Variants in LEPR observed in about 807,000 individuals in gnomAD.
LEPR encodes the protein leptin receptor.
LEPR carries 56 observed loss-of-function variants against 114.7 expected under a neutral mutation model. The ratio of observed to expected loss-of-function variants is 0.49; its 90% CI spans 0.39 to 0.61. The LOEUF (loss-of-function observed/expected upper bound fraction) is 0.61. Among genes scored for constraint, LEPR ranks in the 20% least tolerant of loss-of-function variants. LEPR has a pLI of 0.00. For synonymous variants in LEPR, 443 were observed against 461.4 expected (o/e 0.96, Z 0.51); for missense variants, 1,202 against 1,352.9 (o/e 0.89, Z 1.75).
rs3790435 is a variant in LEPR, at chr1:65,420,715, T to C, written c.-122T>C. 758,956 of 1,580,160 alleles carry C rather than the reference T, an allele frequency of 0.48. 186,856 individuals are homozygous for C. The highest frequency in any genetic ancestry group is 0.86 in the East Asian group (37,094 of 43,350). The stretch of plus-strand genomic sequence containing the variant: ...AAGCCGGAAGCAGCCGCGGCCCCAG[T>C]TCGGGAGACATGGCGGGCGTTAAAG... On this transcript the variant is annotated 5_prime_UTR_variant, in exon 1 of 20. Coordinates refer to ENST00000349533, the MANE Select transcript of LEPR (RefSeq NM_002303.6).
intron 2 of LEPR, among the ~76,000 whole-genome samples, chr1:65,551,973 C>G (rs1459967043): frequency 1.3e-5 from 2 of 152,170 alleles, no homozygotes; most frequent in African/African-American, 4.8e-5. Context: ...ACCCAGTAGT[C>G]ATTCAGGAGC....
intron 2 of LEPR, among the ~76,000 whole-genome samples, chr1:65,505,092 A>C (rs1648655507): frequency 6.6e-6 from 1 of 152,100 alleles, no homozygotes; most frequent in African/African-American, 2.4e-5. Context: ...GGTACTCCTT[A>C]ATTCATACAA....
At chr1:65,431,957 A>G (rs762802635) in intron 2 of LEPR, 12 of 1,602,132 alleles carry the variant, frequency 7.5e-6, no homozygotes, top group South Asian at 1.1e-5. Context: ...ATTTCTTAGA[A>G]CTCATACTAT....
intron 2 of LEPR, chr1:65,431,951 C>T (rs374852614): frequency 2.5e-6 from 4 of 1,604,406 alleles, no homozygotes; most frequent in Non-Finnish European, 3.4e-6. Context: ...CATTGAATTT[C>T]TTAGAACTCA....
chr1:65,636,591 CT>C lies in LEPR; in HGVS notation c.3075del (p.Asn1026IlefsTer6). On this transcript the variant is annotated frameshift_variant, in exon 20 of 20. Coordinates refer to ENST00000349533, the MANE Select transcript of LEPR (RefSeq NM_002303.6). LOFTEE classifies it low-confidence loss of function (END_TRUNC). ...SKNSPLKDSF[S>X]NSSWEIEAQA... is the part of the protein sequence containing the mutation. ...AATTCTCCGTTGAAGGATTCTTTCT[CT>C]AATAGCTCATGGGAGATAGAGGCCC... is the stretch of plus-strand genomic sequence containing the variant. The C allele has an allele frequency of 6.2e-7, 1 of 1,614,116 alleles. No homozygotes were observed. Among genetic ancestry groups the C allele is most frequent in the Non-Finnish European group, 8.5e-7 (1 of 1,179,996 alleles).
intron 2 of LEPR, among the ~76,000 whole-genome samples, chr1:65,495,020 C>A (rs1648080124): frequency 6.6e-6 from 1 of 151,816 alleles, no homozygotes. Flanking sequence ...ATCAATAAGA[C>A]CTTAAAAAAA....
intron 2 of LEPR, chr1:65,434,018 T>C: frequency 2.0e-6 from 2 of 985,388 alleles, no homozygotes; most frequent in Non-Finnish European, 2.4e-6. Context: ...TTCTACTACA[T>C]TTTGCAAAAG....
intron 2 of LEPR, among the ~76,000 whole-genome samples, chr1:65,469,969 GC>G (rs1481555807): frequency 2.6e-5 from 4 of 151,618 alleles, no homozygotes; most frequent in African/African-American, 2.4e-5. Context: ...GTCAGAGTCA[GC>G]CGGGAAGCCT....
chr1:65,624,016 G>A (rs1208377705), intron 19 of LEPR, among the ~76,000 whole-genome samples: 1 of 151,846 alleles, frequency 6.6e-6, no homozygotes, highest in Non-Finnish European at 1.5e-5. Context: ...TCATTGTACT[G>A]TTTTTTTAAT....
chr1:65,427,480 G>T (rs911104132), intron 2 of LEPR, among the ~76,000 whole-genome samples: 1 of 152,140 alleles, frequency 6.6e-6, no homozygotes, highest in African/African-American at 2.4e-5. Flanking sequence ...GATTGGTTGA[G>T]CCCAGGGGTT....
intron 2 of LEPR, chr1:65,433,168 C>T: frequency 1.0e-6 from 1 of 985,406 alleles, no homozygotes; most frequent in South Asian, 4.7e-5. Context: ...TTCCCTCTGC[C>T]CCCCACCCCT....
At chr1:65,450,437 C>A (rs1302243992) in intron 2 of LEPR, among the ~76,000 whole-genome samples, 2 of 133,992 alleles carry the variant, frequency 1.5e-5, no homozygotes, top group Non-Finnish European at 3.2e-5. Context: ...TCCCACCACC[C>A]CACAACAGTC....
chr1:65,597,911 T>A (rs1445358370), intron 7 of LEPR, among the ~76,000 whole-genome samples: 2 of 142,588 alleles, frequency 1.4e-5, no homozygotes, highest in African/African-American at 5.3e-5. Context: ...TTGAGGATTT[T>A]AAATAGGAGT....
chr1:65,457,717 A>G (rs1381365882), intron 2 of LEPR, among the ~76,000 whole-genome samples: 2 of 152,090 alleles, frequency 1.3e-5, no homozygotes, highest in African/African-American at 4.8e-5. Flanking sequence ...CTTTAGCTCC[A>G]TGTGTCCACC....
intron 19 of LEPR, chr1:65,626,288 C>CA: frequency 1.5e-6 from 2 of 1,292,382 alleles, no homozygotes; most frequent in Non-Finnish European, 2.0e-6. Context: ...AATATTGCCA[C>CA]ATTTTTTCAA....
At position 65,633,781 on chromosome 1, in the gene LEPR, T is replaced by C. The variant is rs1485342473; in HGVS notation, c.2674-2410T>C. On this transcript the variant is annotated intron_variant, in intron 19 of 19. Transcript: ENST00000349533. This position sits in a 1 kb window ranked among gnomAD's most constrained non-coding sequence, Gnocchi z 4.1. ...AATCTGGGAATTTCAGTTTTCAATA[T>C]CCTTGAAAATGGCTTAAGTGATAAC... 2.0e-6 allele frequency: 2 copies of C among 985,392 alleles called. No homozygotes were observed. Among genetic ancestry groups the C allele is most frequent in the African/African-American group, 3.5e-5 (2 of 57,212 alleles). 61.0% of individuals were successfully genotyped at this position (985,392 alleles called of 1,614,324 possible).
intron 7 of LEPR, among the ~76,000 whole-genome samples, chr1:65,597,522 G>A (rs1656148285): frequency 6.6e-6 from 1 of 152,006 alleles, no homozygotes. Flanking sequence ...GCAAGGATGT[G>A]AAGGAGATGG....
At chr1:65,489,618 A>C (rs567802501) in intron 2 of LEPR, among the ~76,000 whole-genome samples, 1 of 152,148 alleles carries the variant, frequency 6.6e-6, no homozygotes, top group South Asian at 2.1e-4. Flanking sequence ...TTTTAGCTTG[A>C]TGTGATCTCA....
intron 1 of LEPR, 57 bp from the exon 2 acceptor site, chr1:65,425,246 C>G (rs1025595083): frequency 4.7e-6 from 7 of 1,485,184 alleles, no homozygotes; most frequent in South Asian, 1.2e-5. Context: ...CCCAAACCCT[C>G]TAGTGCCTGA....
Sources: allele counts gnomAD v4.1 joint callset (sites outside exome capture counted in the v4.1 genomes callset), GRCh38; gene constraint gnomAD v4.1.1; non-coding constraint Gnocchi (gnomAD v3.1); transcripts MANE v1.5; gene names NCBI Gene and HGNC (gene_info 2026-07-23, HGNC 2026-07-21).